Variants in KCNMA1 observed in about 807,000 individuals in gnomAD.
KCNMA1 encodes the protein Calcium-activated potassium channel subunit alpha-1.
Under a neutral mutation model 140.0 loss-of-function variants are expected in KCNMA1, and 29 were observed. That is an observed-to-expected ratio of 0.21 (90% CI 0.15 to 0.28). KCNMA1 has a LOEUF of 0.28. Among genes scored for constraint, KCNMA1 ranks in the 10% least tolerant of loss-of-function variants. KCNMA1 has a pLI of 1.00. For missense variants in KCNMA1, 880 were observed against 1,602.2 expected (o/e 0.55, Z 7.70); for synonymous variants, 612 against 611.9 (o/e 1.00, Z 0.00).
At chr10:77,082,585 A>G (rs1055687904) in intron 12 of KCNMA1, among the ~76,000 whole-genome samples, 3 of 151,796 alleles carry the variant, frequency 2.0e-5, no homozygotes, top group African/African-American at 7.3e-5. Context: ...TTTTTTTTAA[A>G]TCATTTCCAA....
At chr10:77,051,763 T>G (rs2095374921) in intron 14 of KCNMA1, among the ~76,000 whole-genome samples, 1 of 152,240 alleles carries the variant, frequency 6.6e-6, no homozygotes, top group East Asian at 1.9e-4. Flanking sequence ...CCAAGGAGCA[T>G]AACCTCTCCA....
intron 1 of KCNMA1, among the ~76,000 whole-genome samples, chr10:77,480,642 C>T (rs765576176): frequency 5.3e-5 from 8 of 152,190 alleles, no homozygotes; most frequent in Non-Finnish European, 1.2e-4. Flanking sequence ...TATGGCTCCC[C>T]TCTCTGAATT....
Position 76,927,200 on chromosome 10 carries a change from T to G in KCNMA1, c.2903-12151A>C, listed in dbSNP as rs565085017. On this transcript the variant is annotated intron_variant, in intron 23 of 27. Transcript: ENST00000286628. ...TCACAAGCTCTAGTGTACATCCAGATTTTTTTGATTCAGTTTTATACCTTT... is the reference window on the plus strand; with the variant it reads ...TCACAAGCTCTAGTGTACATCCAGAGTTTTTTGATTCAGTTTTATACCTTT... Among the ~76,000 whole-genome samples, 6 of 152,280 alleles carry G rather than the reference T, an allele frequency of 3.9e-5. No homozygotes were observed. The South Asian group carries it at 1.2e-3, about 32-fold the overall frequency.
intron 3 of KCNMA1, among the ~76,000 whole-genome samples, chr10:77,220,155 T>A (rs969786696): frequency 6.6e-6 from 1 of 152,238 alleles, no homozygotes; most frequent in African/African-American, 2.4e-5. Context: ...TGTCTTCATA[T>A]TACAAATGAA....
chr10:76,982,837 A>G (rs925234093), intron 19 of KCNMA1, among the ~76,000 whole-genome samples: 1 of 152,198 alleles, frequency 6.6e-6, no homozygotes, highest in African/African-American at 2.4e-5. Flanking sequence ...ACACACATTC[A>G]TGCATGGAAA....
chr10:77,014,421 A>G (rs1382621037), intron 17 of KCNMA1, among the ~76,000 whole-genome samples: 1 of 149,852 alleles, frequency 6.7e-6, no homozygotes, highest in Non-Finnish European at 1.5e-5. Flanking sequence ...GCAATAGAGC[A>G]AGACATTGTC....
At chr10:77,544,984 C>T (rs2061078462) in intron 1 of KCNMA1, among the ~76,000 whole-genome samples, 1 of 152,134 alleles carries the variant, frequency 6.6e-6, no homozygotes, top group Non-Finnish European at 1.5e-5. Context: ...CTTCTTCCTC[C>T]CCAAGTGATC....
At chr10:77,147,399 G>A (rs978930811) in intron 5 of KCNMA1, among the ~76,000 whole-genome samples, 2 of 152,010 alleles carry the variant, frequency 1.3e-5, no homozygotes, top group Non-Finnish European at 2.9e-5. Flanking sequence ...TCTCCAATTC[G>A]TCTTTGTCTC....
At chr10:77,514,358 A>G (rs893793815) in intron 1 of KCNMA1, among the ~76,000 whole-genome samples, 4 of 152,214 alleles carry the variant, frequency 2.6e-5, no homozygotes, top group Non-Finnish European at 5.9e-5. Context: ...TGACTGGCAC[A>G]TTCCCCAGGT....
At chr10:77,031,688 C>T (rs2153544146) in intron 15 of KCNMA1, among the ~76,000 whole-genome samples, 1 of 152,210 alleles carries the variant, frequency 6.6e-6, no homozygotes, top group East Asian at 1.9e-4. Context: ...GATGCAGCCT[C>T]TGTTGGAGGT....
chr10:77,174,132 T>C (rs898372222), intron 5 of KCNMA1, among the ~76,000 whole-genome samples: 44 of 152,198 alleles, frequency 2.9e-4, no homozygotes, highest in African/African-American at 1.0e-3. Context: ...TAGTGTGTCC[T>C]GGAGCTGGAG....
At chr10:77,026,771 C>T (rs1349969812) in intron 16 of KCNMA1, among the ~76,000 whole-genome samples, 1 of 152,128 alleles carries the variant, frequency 6.6e-6, no homozygotes, top group Non-Finnish European at 1.5e-5. Context: ...TGTTTACAAT[C>T]CAGTGTTTTC....
intron 21 of KCNMA1, among the ~76,000 whole-genome samples, chr10:76,953,391 T>A (rs914768930): frequency 2.0e-5 from 3 of 152,228 alleles, no homozygotes; most frequent in Non-Finnish European, 4.4e-5. Flanking sequence ...TACAGCCCTA[T>A]GAGTTAGGGT....
intron 2 of KCNMA1, among the ~76,000 whole-genome samples, chr10:77,368,806 T>C (rs1401347770): frequency 6.6e-6 from 1 of 152,240 alleles, no homozygotes; most frequent in Non-Finnish European, 1.5e-5. Flanking sequence ...TCCTTCTCCA[T>C]TGAATTGTCT....
chr10:77,560,896 A>G (rs2066145201), intron 1 of KCNMA1, among the ~76,000 whole-genome samples: 1 of 152,190 alleles, frequency 6.6e-6, no homozygotes. Flanking sequence ...GGCTCCAGCA[A>G]ACAACTAGAT....
chr10:77,400,737 C>T (rs900504246), intron 2 of KCNMA1, among the ~76,000 whole-genome samples: 1 of 152,178 alleles, frequency 6.6e-6, no homozygotes, highest in Non-Finnish European at 1.5e-5. Flanking sequence ...ACCCCTACAA[C>T]ACAACAGCAA....
At chr10:76,987,552 A>C (rs985754160) in intron 19 of KCNMA1, among the ~76,000 whole-genome samples, 1 of 152,222 alleles carries the variant, frequency 6.6e-6, no homozygotes, top group East Asian at 1.9e-4. Context: ...GGGAGTGACT[A>C]TGTTACAAGG....
chr10:77,000,016 G>A (rs2085691439), intron 19 of KCNMA1, among the ~76,000 whole-genome samples: 1 of 152,136 alleles, frequency 6.6e-6, no homozygotes, highest in Admixed American at 6.5e-5. Flanking sequence ...GCACTCTGCT[G>A]GGACCAGCCT....
intron 13 of KCNMA1, among the ~76,000 whole-genome samples, chr10:77,076,125 T>G (rs140035114): frequency 6.6e-6 from 1 of 151,962 alleles, no homozygotes; most frequent in Non-Finnish European, 1.5e-5. Context: ...AAGAAGGCCA[T>G]GAAAGAGGAA....
Sources: gnomAD v4.1 joint callset for allele counts (sites outside exome capture counted in the v4.1 genomes callset) on GRCh38, gnomAD v4.1.1 for gene constraint, MANE v1.5 for transcripts, NCBI Gene and HGNC (gene_info 2026-07-23, HGNC 2026-07-21) for gene names.